CATSPERT: variants seen among roughly 807,000 people sequenced by gnomAD.
CATSPERT encodes catsper channel auxiliary subunit tau.
At chr2:201,573,802 G>A in the CATSPERT span, among the ~76,000 whole-genome samples, 9 of 151,956 alleles carry the variant, frequency 5.9e-5, no homozygotes, top group East Asian at 1.9e-4. Context: ...GATTACAGGC[G>A]CCTGCCACCA....
At chr2:201,536,809 A>G in the CATSPERT span, among the ~76,000 whole-genome samples, 1 of 151,924 alleles carries the variant, frequency 6.6e-6, no homozygotes, top group Non-Finnish European at 1.5e-5. Context: ...AAAATTCTCT[A>G]TATTATCTTC....
chr2:201,491,236 G>A, the CATSPERT span: 3 of 1,537,924 alleles, frequency 2.0e-6, no homozygotes, highest in Admixed American at 2.0e-5. Flanking sequence ...GTGAATTCTT[G>A]TGGTGGGCAG....
At chr2:201,494,609 G>C in the CATSPERT span, 1 of 1,537,104 alleles carries the variant, frequency 6.5e-7, no homozygotes, top group South Asian at 1.2e-5. Flanking sequence ...GATTGTGCTG[G>C]ATAAGGAGGA....
At chr2:201,535,750 C>A in the CATSPERT span, 1 of 1,345,956 alleles carries the variant, frequency 7.4e-7, no homozygotes. Flanking sequence ...CATTTGAATG[C>A]ATTTTCGATT....
the CATSPERT span, among the ~76,000 whole-genome samples, chr2:201,602,893 G>T: frequency 6.6e-6 from 1 of 152,062 alleles, no homozygotes; most frequent in Non-Finnish European, 1.5e-5. Context: ...TAATAAAGGG[G>T]GATAAAACAT....
At chr2:201,559,323 A>G in the CATSPERT span, among the ~76,000 whole-genome samples, 1 of 152,164 alleles carries the variant, frequency 6.6e-6, no homozygotes, top group East Asian at 1.9e-4. Context: ...GCAGCTTTGC[A>G]CCTGCATCCC....
chr2:201,492,790 AG>A, the CATSPERT span: 1 of 1,536,454 alleles, frequency 6.5e-7, no homozygotes, highest in Admixed American at 2.0e-5. Context: ...CTCATTCATC[AG>A]ATACAGATTT....
At chr2:201,528,589 A>C in the CATSPERT span, among the ~76,000 whole-genome samples, 1 of 152,212 alleles carries the variant, frequency 6.6e-6, no homozygotes, top group South Asian at 2.1e-4. Context: ...TATAAAAAAA[A>C]AGAAATCATG....
the CATSPERT span, among the ~76,000 whole-genome samples, chr2:201,600,418 A>T: frequency 6.6e-6 from 1 of 152,104 alleles, no homozygotes; most frequent in Non-Finnish European, 1.5e-5. Context: ...GGGGAACATC[A>T]CACACCAGGG....
the CATSPERT span, chr2:201,582,137 G>A: frequency 7.9e-5 from 127 of 1,608,950 alleles, no homozygotes; most frequent in Middle Eastern, 1.7e-4. Flanking sequence ...TCCCTAACAA[G>A]AAAGCACGTT....
chr2:201,575,464 G>A, the CATSPERT span: 2 of 460,606 alleles, frequency 4.3e-6, no homozygotes, highest in South Asian at 1.5e-4. Context: ...CTGCACAGCA[G>A]GAAATGAGTG....
the CATSPERT span, chr2:201,491,801 A>C: frequency 2.6e-6 from 4 of 1,536,978 alleles, no homozygotes; most frequent in Non-Finnish European, 3.5e-6. Context: ...CAAGCTTTTG[A>C]TTGAGTTATT....
the CATSPERT span, chr2:201,535,090 T>G: frequency 1.1e-6 from 1 of 948,636 alleles, no homozygotes; most frequent in South Asian, 4.9e-5. Context: ...TGACTGTGCA[T>G]TACTTTCACA....
the CATSPERT span, among the ~76,000 whole-genome samples, chr2:201,586,398 TAGAA>T: frequency 1.8e-4 from 28 of 152,030 alleles, 1 homozygote; most frequent in African/African-American, 6.5e-4. Context: ...TTGGGATAAA[TAGAA>T]AGCACAAAAG....
chr2:201,511,100 T>C, the CATSPERT span, among the ~76,000 whole-genome samples: 1 of 152,168 alleles, frequency 6.6e-6, no homozygotes, highest in Non-Finnish European at 1.5e-5. Flanking sequence ...AATTAAAGTA[T>C]CAGTGGACTA....
the CATSPERT span, among the ~76,000 whole-genome samples, chr2:201,524,315 T>C: frequency 6.6e-6 from 1 of 152,202 alleles, no homozygotes; most frequent in African/African-American, 2.4e-5. Context: ...TGGGAGCCTA[T>C]ACTCAACAAC....
chr2:201,494,603 G>A, the CATSPERT span: 4 of 1,537,222 alleles, frequency 2.6e-6, no homozygotes, highest in South Asian at 4.8e-5. Context: ...GTTTTTGATT[G>A]TGCTGGATAA....
At chr2:201,498,204 G>A in the CATSPERT span, among the ~76,000 whole-genome samples, 1 of 152,138 alleles carries the variant, frequency 6.6e-6, no homozygotes, top group Non-Finnish European at 1.5e-5. Context: ...CTGCAAGCTG[G>A]AGAAAGAGAG....
chr2:201,501,147 C>T, the CATSPERT span, among the ~76,000 whole-genome samples: 2 of 151,832 alleles, frequency 1.3e-5, no homozygotes, highest in South Asian at 4.2e-4. Context: ...GCCTGTAATC[C>T]CAGCACTTTG....
Sources: gnomAD v4.1 joint callset for allele counts (sites outside exome capture counted in the v4.1 genomes callset) on GRCh38, gnomAD v4.1.1 for gene constraint, MANE v1.5 for transcripts, NCBI Gene and HGNC (gene_info 2026-07-23, HGNC 2026-07-21) for gene names.